The following KLHL31 variants were observed in gnomAD, a reference collection of about 807,000 sequenced individuals.
The protein encoded by KLHL31 is kelch like family member 31, also known as kelch-like protein 31.
Under a neutral mutation model 47.1 loss-of-function variants are expected in KLHL31, and 32 were observed. The observed-to-expected ratio is 0.68, with a 90% CI of 0.51 to 0.91. The LOEUF is 0.91. KLHL31 is among the 40% of genes least tolerant of loss of function. The probability of loss-of-function intolerance (pLI) is 0.00; values close to 1 mark genes in which losing one functional copy is unlikely to be tolerated. For synonymous variants in KLHL31, 330 were observed against 325.1 expected (o/e 1.01, Z -0.16); for missense variants, 797 against 819.3 (o/e 0.97, Z 0.33).
chr6:53,660,398 A>G (rs1764628089), intron 1 of KLHL31, among the ~76,000 whole-genome samples: 1 of 152,180 alleles, frequency 6.6e-6, no homozygotes, highest in Non-Finnish European at 1.5e-5. Context: ...ATGTATTTAT[A>G]TATTTTTTTA....
In KLHL31 at chr6:53,651,519, T is replaced by C; in HGVS notation, c.*79A>G. 1 of 1,501,124 alleles carries C rather than the reference T, an allele frequency of 6.7e-7. No individual in the cohort carries two copies. The highest frequency in any genetic ancestry group is 8.9e-7 in the Non-Finnish European group (1 of 1,117,654). The allele number at this position is 1,501,124 out of a possible 1,614,324, so 93.0% of individuals were successfully genotyped here. A position where few individuals can be genotyped will look rare whatever the true frequency, so the allele number is the denominator to read the frequency against. ...TGTAGTAAATGTTAAATATTTTCCT[T>C]TTCGCGAACTCAGAGGTTAACCACG... On this transcript the variant is annotated 3_prime_UTR_variant, in exon 3 of 3. Transcript: ENST00000370905.
chr6:53,655,331 G>T (rs1764545370), intron 1 of KLHL31, 26 bp from the exon 2 acceptor site: 2 of 1,208,106 alleles, frequency 1.7e-6, no homozygotes, highest in Admixed American at 2.8e-5. Context: ...AAAAAACATG[G>T]TTTTGTTTTA....
chr6:53,655,314 A>T lies in KLHL31; in HGVS notation c.-33-9T>A. ...TTACAGGCAAGAGCTTGCTAAAAAG[A>T]GAAAAAAAAAAACATGGTTTTGTTT... On this transcript the variant is annotated splice_polypyrimidine_tract_variant and intron_variant, in intron 1 of 2. Transcript: ENST00000370905. 1 of 1,300,598 alleles carries T rather than the reference A, an allele frequency of 7.7e-7. No homozygotes were observed. The highest frequency in any genetic ancestry group is 1.6e-5 in the South Asian group (1 of 60,944). 80.6% of individuals were successfully genotyped at this position (1,300,598 alleles called of 1,614,324 possible).
At chr6:53,655,582 T>A (rs1561985037) in intron 1 of KLHL31, among the ~76,000 whole-genome samples, 1 of 148,766 alleles carries the variant, frequency 6.7e-6, no homozygotes, top group African/African-American at 2.5e-5. Flanking sequence ...AGTGACCACA[T>A]TTTCTTTCTT....
rs1044230172 is a variant in KLHL31, at chr6:53,651,584, G to T, written c.*14C>A. On this transcript the variant is annotated 3_prime_UTR_variant, in exon 3 of 3. Transcript: ENST00000370905. ...AATAACGTGTTCTTCCTGCGTCCCT[G>T]CATCTACCTGGGCTCAGATACTGAC... is the stretch of plus-strand genomic sequence containing the variant. 1 of 1,600,518 alleles carries T rather than the reference G, an allele frequency of 6.2e-7. No individual in the cohort carries two copies. The highest frequency in any genetic ancestry group is 1.3e-5 in the African/African-American group (1 of 74,602).
chr6:53,658,310 G>A (rs765642203), intron 1 of KLHL31, among the ~76,000 whole-genome samples: 58 of 151,962 alleles, frequency 3.8e-4, no homozygotes, highest in South Asian at 1.0e-3. Flanking sequence ...TACAGGGCTT[G>A]CAAATGCTTA....
rs182330720 is a variant in KLHL31 at position 53,654,777 on chromosome 6, C to G, written c.496G>C (p.Glu166Gln). 133 of 1,614,110 alleles carry G rather than the reference C, an allele frequency of 8.2e-5. 2 individuals carry two copies. In the Admixed American group the frequency reaches 1.6e-3, roughly 19 times the overall value. Residue 166 changes from glutamate to glutamine, a missense_variant, in exon 2 of 3, where the codon GAG becomes CAG. By Grantham distance (29) the Glu-to-Gln change is conservative. Transcript: ENST00000370905. Reference protein sequence around the residue: ...VKMCSDFLIREMSVENCMYVV... With the variant: ...VKMCSDFLIRQMSVENCMYVV... ...TACATGCAATTCTCAACACTCATCTCCCGTATCAGAAAATCACTGCACATC... is the reference window on the plus strand; with the variant it reads ...TACATGCAATTCTCAACACTCATCTGCCGTATCAGAAAATCACTGCACATC...
chr6:53,655,163 A>G lies in KLHL31; in HGVS notation c.110T>C (p.Leu37Pro). The change falls in exon 2 of 3, where the codon CTA (leucine) becomes CCA (proline). Residue 37 changes from leucine (L) to proline (P), a missense_variant. Leu to Pro is a moderately conservative substitution (Grantham distance 98). Transcript: ENST00000370905. Reference protein sequence around the residue: ...LNKLNALNGLLEGGNGLSCIS... With the variant: ...LNKLNALNGLPEGGNGLSCIS... ...GCAGCTAAGGCCATTGCCTCCCTCT[A>G]GGAGCCCATTCAAAGCATTCAGTTT... is the stretch of plus-strand genomic sequence containing the variant. 2 of 1,614,104 alleles carry G rather than the reference A, an allele frequency of 1.2e-6. No individual in the cohort carries two copies. The highest frequency in any genetic ancestry group is 1.3e-5 in the African/African-American group (1 of 75,062).
At position 53,655,122 on chromosome 6, in the gene KLHL31, T is replaced by C. The variant is rs1561984718; in HGVS notation, c.151A>G (p.Thr51Ala). The C allele has an allele frequency of 6.2e-7, 1 of 1,614,224 alleles. No individual in the cohort carries two copies. The highest frequency in any genetic ancestry group is 2.2e-5 in the East Asian group (1 of 44,888). The change falls in exon 2 of 3, where the codon ACA becomes GCA. Residue 51 changes from threonine to alanine, a missense_variant. By Grantham distance (58) the Thr-to-Ala change is moderately conservative. Transcript: ENST00000370905. Reference protein sequence around the residue: ...NGLSCISSELTDASYGPNLLE... With the variant: ...NGLSCISSELADASYGPNLLE... ...AGGTTGGGGCCATAAGAAGCATCTG[T>C]TAGTTCAGAAGAAATGCAGCTAAGG...
intron 1 of KLHL31, among the ~76,000 whole-genome samples, chr6:53,656,931 C>CATTT (rs367926021): frequency 2.0e-5 from 2 of 98,428 alleles, no homozygotes; most frequent in African/African-American, 7.7e-5. Context: ...GTATTTTTAA[C>CATTT]TTTTTTTTTT....
At chr6:53,658,392 A>T (rs1249927994) in intron 1 of KLHL31, among the ~76,000 whole-genome samples, 1 of 152,152 alleles carries the variant, frequency 6.6e-6, no homozygotes, top group African/African-American at 2.4e-5. Context: ...ATACTCTGTT[A>T]TCCATCATTA....
At chr6:53,662,080 C>T (rs1469901120) in intron 1 of KLHL31, among the ~76,000 whole-genome samples, 1 of 152,074 alleles carries the variant, frequency 6.6e-6, no homozygotes, top group Non-Finnish European at 1.5e-5. Flanking sequence ...GCTCAGTAGC[C>T]AGGGCCATCA....
chr6:53,661,528 A>G (rs1764645399), intron 1 of KLHL31, among the ~76,000 whole-genome samples: 1 of 152,204 alleles, frequency 6.6e-6, no homozygotes, highest in African/African-American at 2.4e-5. Context: ...GCAAAGTAAT[A>G]TATATGTACA....
At position 53,648,204 on chromosome 6, in the gene KLHL31, G is replaced by A. The variant is rs1479327632; in HGVS notation, c.*3394C>T. ...TTTAATTCTTATAATTACGAATAAA[G>A]GACTGTTTGGAAAATTATTCTGTAG... On this transcript the variant is annotated 3_prime_UTR_variant, in exon 3 of 3. Coordinates refer to ENST00000370905, the MANE Select transcript of KLHL31 (RefSeq NM_001003760.5). The A allele has an allele frequency of 6.6e-6, 1 of 152,488 alleles. No homozygotes were observed. Among genetic ancestry groups the A allele is most frequent in the Non-Finnish European group, 1.5e-5 (1 of 68,002 alleles). 9.4% of individuals were successfully genotyped at this position (152,488 alleles called of 1,614,324 possible). A position where few individuals can be genotyped will look rare whatever the true frequency, so the allele number is the denominator to read the frequency against.
In KLHL31 at chr6:53,654,909, C is replaced by A. The variant is rs116548230; in HGVS notation, c.364G>T (p.Ala122Ser). Residue 122 changes from alanine (A) to serine (S), a missense_variant, in exon 2 of 3, where the codon GCC (alanine) becomes TCC (serine). By Grantham distance (99) the Ala-to-Ser change is moderately conservative. Transcript: ENST00000370905. ...GTGTAGGCATATGCAATGACAGTGG[C>A]CAGGCCTAGTGGTGAGATATCATTG... The part of the protein sequence containing the change: ...DLNDISPLGL[A>S]TVIAYAYTGK... The A allele has an allele frequency of 5.5e-4, 887 of 1,614,050 alleles. No individual in the cohort carries two copies. The highest frequency in any genetic ancestry group is 6.9e-4 in the Non-Finnish European group (819 of 1,179,946).
At position 53,648,948 on chromosome 6, in the gene KLHL31, G is replaced by C. The variant is rs967221876; in HGVS notation, c.*2650C>G. ...AACTGATGCTTTTATTTGATCACAGGACTCAGCCGTTACAAAAATAACAAG... is the reference window on the plus strand; with the variant it reads ...AACTGATGCTTTTATTTGATCACAGCACTCAGCCGTTACAAAAATAACAAG... On this transcript the variant is annotated 3_prime_UTR_variant, in exon 3 of 3. Coordinates refer to ENST00000370905, the MANE Select transcript of KLHL31 (RefSeq NM_001003760.5). 1 of 152,034 alleles carries C rather than the reference G, an allele frequency of 6.6e-6. No individual in the cohort carries two copies. Among genetic ancestry groups the C allele is most frequent in the African/African-American group, 2.4e-5 (1 of 41,402 alleles). The allele number at this position is 152,034 out of a possible 1,614,324, so 9.4% of individuals were successfully genotyped here.
chr6:53,657,014 C>T (rs1162681296), intron 1 of KLHL31, among the ~76,000 whole-genome samples: 1 of 141,128 alleles, frequency 7.1e-6, no homozygotes, highest in African/African-American at 2.6e-5. Flanking sequence ...TTCACTGCAG[C>T]CTTGACTTCC....
rs974814314 is a variant in KLHL31, at chr6:53,651,122, C to T, written c.*476G>A. 2 of 152,222 alleles carry T rather than the reference C, an allele frequency of 1.3e-5. No homozygotes were observed. The highest frequency in any genetic ancestry group is 6.5e-5 in the Admixed American group (1 of 15,282). 9.4% of individuals were successfully genotyped at this position (152,222 alleles called of 1,614,324 possible). ...TTAAATCTTAAGTCTTTATGGAGAT[C>T]GACAATTTCCATTTTTAAATAAATA... On this transcript the variant is annotated 3_prime_UTR_variant, in exon 3 of 3. Transcript: ENST00000370905.
In KLHL31 at chr6:53,654,524, T is replaced by C. The variant is rs1244887780; in HGVS notation, c.749A>G (p.Tyr250Cys). Residue 250 changes from tyrosine to cysteine, a missense_variant, in exon 2 of 3, where the codon TAC becomes TGC. By Grantham distance (194) the Tyr-to-Cys change is radical (BLOSUM62 -2). Transcript: ENST00000370905. ...AATATTGCTCAAAAGATCTGCAGCG[T>C]ATTTTACTCTCTTTTGGTCAAATTC... ...WLEFDQKRVKYAADLLSNIRF... is the reference protein window; with the variant it reads ...WLEFDQKRVKCAADLLSNIRF... 1 of 1,614,102 alleles carries C rather than the reference T, an allele frequency of 6.2e-7. No individual in the cohort carries two copies. The highest frequency in any genetic ancestry group is 8.5e-7 in the Non-Finnish European group (1 of 1,180,040).
Sources: allele counts gnomAD v4.1 joint callset (sites outside exome capture counted in the v4.1 genomes callset), GRCh38; gene constraint gnomAD v4.1.1; transcripts MANE v1.5; gene names NCBI Gene and HGNC (gene_info 2026-07-23, HGNC 2026-07-21).